ANKIB1: variants seen among roughly 807,000 people sequenced by gnomAD.
ANKIB1 encodes the protein ankyrin repeat and IBR domain containing 1.
ANKIB1 carries 43 observed loss-of-function variants against 122.1 expected under a neutral mutation model. The ratio of observed to expected loss-of-function variants is 0.35; its 90% CI spans 0.28 to 0.45. ANKIB1 has a LOEUF of 0.45. ANKIB1 is among the 20% of genes least tolerant of loss of function. The pLI is 1.00. For missense variants in ANKIB1, 992 were observed against 1,329.5 expected (o/e 0.75, Z 3.95); for synonymous variants, 390 against 442.0 (o/e 0.88, Z 1.48).
chr7:92,331,281 T>C (rs1276004145), intron 5 of ANKIB1, among the ~76,000 whole-genome samples: 1 of 151,688 alleles, frequency 6.6e-6, no homozygotes, highest in African/African-American at 2.4e-5. Flanking sequence ...TTTTTTTTTT[T>C]TTTTTGAGGC....
intron 1 of ANKIB1, among the ~76,000 whole-genome samples, chr7:92,289,403 G>A (rs903658925): frequency 6.6e-6 from 1 of 152,172 alleles, no homozygotes; most frequent in African/African-American, 2.4e-5. Flanking sequence ...ACTGAAGAAA[G>A]TAGATATTAA....
rs1244899344 is a variant in ANKIB1, at chr7:92,362,236, T to A, written c.1449T>A (p.Asn483Lys). ...HEPCDCQTWKNWLQKITEMKP... is the reference protein window; with the variant it reads ...HEPCDCQTWKKWLQKITEMKP... ...CTTGTGACTGCCAAACATGGAAGAA[T>A]TGGCTGCAAAAAATAACCGAAATGA... Residue 483 changes from asparagine to lysine, a missense_variant, in exon 10 of 20, where the codon AAT (asparagine) becomes AAA (lysine). By Grantham distance (94) the Asn-to-Lys change is moderately conservative. Transcript: ENST00000265742. The A allele has an allele frequency of 5.0e-6, 8 of 1,600,092 alleles. No individual in the cohort carries two copies. The South Asian group carries it at 6.8e-5, about 14-fold the overall frequency.
At chr7:92,396,520 G>A (rs766770244) in intron 18 of ANKIB1, 44 bp downstream of exon 18, 2 of 943,382 alleles carry the variant, frequency 2.1e-6, no homozygotes, top group Non-Finnish European at 3.2e-6. Context: ...TAGCTCCCCT[G>A]AATTTATCCT....
chr7:92,246,827 C>T (rs530479213), intron 1 of ANKIB1, among the ~76,000 whole-genome samples: 1 of 152,312 alleles, frequency 6.6e-6, no homozygotes, highest in East Asian at 1.9e-4. Context: ...CAGCCTCCCC[C>T]CCACCCCCAT....
intron 3 of ANKIB1, among the ~76,000 whole-genome samples, chr7:92,314,750 C>G (rs895867887): frequency 6.6e-6 from 1 of 152,178 alleles, no homozygotes; most frequent in African/African-American, 2.4e-5. Context: ...TAGTTCTAAG[C>G]ATGGCTGCAC....
chr7:92,262,850 A>G (rs1801592967), intron 1 of ANKIB1, among the ~76,000 whole-genome samples: 1 of 152,188 alleles, frequency 6.6e-6, no homozygotes, highest in Non-Finnish European at 1.5e-5. Flanking sequence ...TGATGGCTAC[A>G]TTTTACTGAG....
chr7:92,278,038 C>T (rs1231457477), intron 1 of ANKIB1, among the ~76,000 whole-genome samples: 1 of 150,716 alleles, frequency 6.6e-6, no homozygotes, highest in African/African-American at 2.4e-5. Context: ...GAGCAGAGAT[C>T]GTGCCACTGC....
At chr7:92,319,279 ATAACT>A in intron 3 of ANKIB1, 46 bp from the exon 4 acceptor site, 2 of 1,149,310 alleles carry the variant, frequency 1.7e-6, no homozygotes, top group Non-Finnish European at 2.5e-6. Flanking sequence ...ATAGCATGAA[ATAACT>A]TATTTGAACC....
intron 8 of ANKIB1, among the ~76,000 whole-genome samples, 167 bp from the exon 9 acceptor site, chr7:92,352,309 A>G (rs1803682220): frequency 6.6e-6 from 1 of 152,192 alleles, no homozygotes. Context: ...TAATTTTTTC[A>G]GTACTTTGCA....
intron 10 of ANKIB1, among the ~76,000 whole-genome samples, chr7:92,364,845 G>A (rs779849163): frequency 3.3e-5 from 5 of 152,132 alleles, no homozygotes; most frequent in South Asian, 2.1e-4. Context: ...AAGGTAGGAC[G>A]GTGAATTTTT....
intron 8 of ANKIB1, among the ~76,000 whole-genome samples, 176 bp downstream of exon 8, chr7:92,351,270 C>T (rs1490339864): frequency 1.3e-5 from 2 of 152,078 alleles, no homozygotes; most frequent in Non-Finnish European, 2.9e-5. Flanking sequence ...GAAGCTAAAG[C>T]ATTATTTTGT....
rs768661776 is a variant in ANKIB1 at position 92,343,056 on chromosome 7, A to C, written c.820A>C (p.Met274Leu). The C allele has an allele frequency of 6.2e-7, 1 of 1,613,746 alleles. No homozygotes were observed. The highest frequency in any genetic ancestry group is 8.5e-7 in the Non-Finnish European group (1 of 1,179,864). The change falls in exon 6 of 20, where the codon ATG becomes CTG. Residue 274 changes from methionine to leucine, a missense_variant. Coordinates refer to ENST00000265742, the MANE Select transcript of ANKIB1 (RefSeq NM_019004.2). ...WDREKLLEAW[M>L]SNPENCCQRS... is the part of the protein sequence containing the mutation. ...CAGGGAGAAATTACTTGAAGCTTGGATGTCCAACCCGGAGAACTGCTGCCA... is the reference window on the plus strand; with the variant it reads ...CAGGGAGAAATTACTTGAAGCTTGGCTGTCCAACCCGGAGAACTGCTGCCA...
At chr7:92,259,085 C>T (rs1296172724) in intron 1 of ANKIB1, among the ~76,000 whole-genome samples, 1 of 152,126 alleles carries the variant, frequency 6.6e-6, no homozygotes, top group Non-Finnish European at 1.5e-5. Context: ...TCCTGAGTAG[C>T]TGGGACCACA....
At chr7:92,311,324 A>G (rs989697209) in intron 3 of ANKIB1, among the ~76,000 whole-genome samples, 2 of 152,158 alleles carry the variant, frequency 1.3e-5, no homozygotes, top group South Asian at 4.1e-4. Flanking sequence ...TGTGTCACTC[A>G]GCCACTGTAA....
At chr7:92,359,285 T>TG in intron 9 of ANKIB1, among the ~76,000 whole-genome samples, 1 of 152,228 alleles carries the variant, frequency 6.6e-6, no homozygotes, top group Admixed American at 6.5e-5. Flanking sequence ...TGTGTTCTCC[T>TG]TGTTCAACTC....
At chr7:92,296,737 G>A (rs1254310257) in intron 2 of ANKIB1, among the ~76,000 whole-genome samples, 1 of 151,994 alleles carries the variant, frequency 6.6e-6, no homozygotes, top group Admixed American at 6.6e-5. Flanking sequence ...ATCTAGCATA[G>A]TATTTTACAC....
intron 11 of ANKIB1, among the ~76,000 whole-genome samples, chr7:92,378,193 C>G (rs1482596683): frequency 1.3e-5 from 2 of 152,000 alleles, no homozygotes; most frequent in Non-Finnish European, 2.9e-5. Flanking sequence ...GATTGCTGAT[C>G]TGGAATGCTT....
intron 10 of ANKIB1, 136 bp downstream of exon 10, chr7:92,362,409 A>C: frequency 1.4e-6 from 1 of 740,430 alleles, no homozygotes; most frequent in Non-Finnish European, 2.2e-6. Flanking sequence ...TTAACATCAC[A>C]ATCCCTTTGA....
chr7:92,319,725 A>G, intron 4 of ANKIB1: 1 of 511,026 alleles, frequency 2.0e-6, no homozygotes, highest in Non-Finnish European at 3.3e-6. Context: ...AGGCCAAGGC[A>G]CCGGAGTTCT....
Sources: allele counts gnomAD v4.1 joint callset (sites outside exome capture counted in the v4.1 genomes callset), GRCh38; gene constraint gnomAD v4.1.1; transcripts MANE v1.5; gene names NCBI Gene and HGNC (gene_info 2026-07-23, HGNC 2026-07-21).